TBL1X: variants seen among roughly 807,000 people sequenced by gnomAD.
TBL1X encodes F-box-like/WD repeat-containing protein TBL1X.
Under a neutral mutation model 50.7 loss-of-function variants are expected in TBL1X, and 10 were observed. The ratio of observed to expected loss-of-function variants is 0.20; its 90% CI spans 0.12 to 0.33. The LOEUF (loss-of-function observed/expected upper bound fraction) is 0.33. TBL1X is among the 10% of genes least tolerant of loss of function. The probability of loss-of-function intolerance (pLI) is 1.00; values close to 1 mark genes in which losing one functional copy is unlikely to be tolerated. For missense variants in TBL1X, 340 were observed against 504.4 expected (o/e 0.67, Z 3.12); for synonymous variants, 190 against 214.7 (o/e 0.88, Z 1.01).
At chrX:9,572,601 G>A (rs1260286867) in intron 2 of TBL1X, among the ~76,000 whole-genome samples, 1 of 112,767 alleles carries the variant, frequency 8.9e-6, no homozygotes, top group African/African-American at 3.2e-5. Context: ...GTTCTAGCAT[G>A]TTATCACAGT....
intron 1 of TBL1X, among the ~76,000 whole-genome samples, chrX:9,471,535 G>A (rs928729092): frequency 8.9e-6 from 1 of 112,151 alleles, no homozygotes; most frequent in Non-Finnish European, 1.9e-5. Flanking sequence ...TTTATGTCCG[G>A]TGCCTAGAGT....
chrX:9,587,929 G>A (rs1210193655), intron 2 of TBL1X, among the ~76,000 whole-genome samples: 4 of 109,633 alleles, frequency 3.6e-5, no homozygotes, highest in Admixed American at 9.8e-5. Context: ...TTCACTCTGC[G>A]TGTGTTCCTG....
intron 7 of TBL1X, among the ~76,000 whole-genome samples, chrX:9,690,805 T>C (rs2083091871): frequency 8.9e-6 from 1 of 111,760 alleles, no homozygotes; most frequent in Admixed American, 9.5e-5. Flanking sequence ...CATAGCTCAC[T>C]ACAGCCTCAA....
Position 9,568,787 on chromosome X carries a change from ATGTC to A in TBL1X, c.-131+66945_-131+66948del, listed in dbSNP as rs776283087. ...TCTATCTGTGCAGTGTGCTGTGTGT[ATGTC>A]TGTCTGGTGTGCTCTCTGTATGTTG... is the stretch of plus-strand genomic sequence containing the variant. On this transcript the variant is annotated intron_variant, in intron 2 of 17. Coordinates refer to ENST00000645353, the MANE Select transcript of TBL1X (RefSeq NM_005647.4). Among the ~76,000 whole-genome samples, 288 of 75,385 alleles carry A rather than the reference ATGTC, an allele frequency of 3.8e-3. 1 individual carries two copies. Among genetic ancestry groups the A allele is most frequent in the African/African-American group, 0.014 (274 of 18,925 alleles). 65.5% of individuals were successfully genotyped at this position (75,385 alleles called of 115,157 possible). A position where few individuals can be genotyped will look rare whatever the true frequency, so the allele number is the denominator to read the frequency against.
At chrX:9,703,742 C>G (rs917284459) in intron 12 of TBL1X, among the ~76,000 whole-genome samples, 1 of 112,129 alleles carries the variant, frequency 8.9e-6, no homozygotes, top group African/African-American at 3.2e-5. Context: ...GGCTCTCTCC[C>G]CCTTGTCTGG....
At chrX:9,470,672 T>C (rs1186922289) in intron 1 of TBL1X, among the ~76,000 whole-genome samples, 4 of 112,152 alleles carry the variant, frequency 3.6e-5, no homozygotes, top group African/African-American at 1.3e-4. Context: ...TTCATTGGTG[T>C]TTCCCAGGTT....
At chrX:9,554,455 C>G (rs1273181268) in intron 2 of TBL1X, among the ~76,000 whole-genome samples, 1 of 112,176 alleles carries the variant, frequency 8.9e-6, no homozygotes, top group Non-Finnish European at 1.9e-5. Context: ...TGACTTGATT[C>G]AATACAATTT....
chrX:9,617,119 A>G (rs1229097885), intron 2 of TBL1X, among the ~76,000 whole-genome samples: 1 of 111,808 alleles, frequency 8.9e-6, no homozygotes, highest in Non-Finnish European at 1.9e-5. Flanking sequence ...CGTGTTTTTA[A>G]TGTAACCCAT....
chrX:9,560,181 A>G (rs1306331721), intron 2 of TBL1X, among the ~76,000 whole-genome samples: 1 of 112,067 alleles, frequency 8.9e-6, no homozygotes, highest in Non-Finnish European at 1.9e-5. Flanking sequence ...GGCGATGTTT[A>G]TGTAGTGTTC....
chrX:9,655,817 C>T (rs1451009673), intron 5 of TBL1X, among the ~76,000 whole-genome samples: 1 of 112,053 alleles, frequency 8.9e-6, no homozygotes, highest in African/African-American at 3.2e-5. Flanking sequence ...ATTGGAGCCA[C>T]ACAGAATGGC....
chrX:9,480,757 A>ACCCCCCCC (rs60470790), intron 1 of TBL1X, among the ~76,000 whole-genome samples: 2 of 46,900 alleles, frequency 4.3e-5, no homozygotes. Context: ...AAATTAAGCC[A>ACCCCCCCC]CCCCCCCCCC....
chrX:9,528,564 C>G (rs1427202020), intron 2 of TBL1X, among the ~76,000 whole-genome samples: 1 of 109,885 alleles, frequency 9.1e-6, no homozygotes, highest in East Asian at 2.8e-4. Flanking sequence ...GCCTCTTTGC[C>G]TAGTTCCCAC....
chrX:9,480,757 A>ACCC (rs60470790), intron 1 of TBL1X, among the ~76,000 whole-genome samples: 68 of 46,899 alleles, frequency 1.4e-3, no homozygotes, highest in Non-Finnish European at 2.0e-3. Context: ...AAATTAAGCC[A>ACCC]CCCCCCCCCC....
chrX:9,575,246 C>A (rs2082405266), intron 2 of TBL1X, among the ~76,000 whole-genome samples: 1 of 110,942 alleles, frequency 9.0e-6, no homozygotes. Flanking sequence ...GGAAACCCGC[C>A]CCCATGACCC....
intron 12 of TBL1X, among the ~76,000 whole-genome samples, chrX:9,704,721 C>CAA (rs35199289): frequency 1.0e-5 from 1 of 96,320 alleles, no homozygotes. Flanking sequence ...CTCGTCTCTG[C>CAA]AAAAAAAAAA....
At chrX:9,555,970 T>C (rs1211866418) in intron 2 of TBL1X, among the ~76,000 whole-genome samples, 1 of 111,021 alleles carries the variant, frequency 9.0e-6, no homozygotes, top group Non-Finnish European at 1.9e-5. Flanking sequence ...GGAGGATCAC[T>C]TGATCCCAGG....
chrX:9,707,151 C>A lies in TBL1X; in HGVS notation c.1236+2037C>A, dbSNP rs186770840. On this transcript the variant is annotated intron_variant, in intron 13 of 17. Transcript: ENST00000645353. Reference sequence around the variant, plus strand: ...TTGTTAAAGCAGGAGAGGATGGTCACAGTCCCTGGAGATTTGCCATTGTGC... The same window carrying A: ...TTGTTAAAGCAGGAGAGGATGGTCAAAGTCCCTGGAGATTTGCCATTGTGC... Among the ~76,000 whole-genome samples, 248 of 111,294 alleles carry A rather than the reference C, an allele frequency of 2.2e-3. 2 individuals are homozygous for A. Among genetic ancestry groups the A allele is most frequent in the Middle Eastern group, 9.3e-3 (2 of 216 alleles).
chrX:9,705,261 T>TGG, intron 13 of TBL1X, 147 bp downstream of exon 13: 10 of 980,397 alleles, frequency 1.0e-5, no homozygotes, highest in Non-Finnish European at 1.4e-5. Context: ...GGTTACCCCA[T>TGG]GGTAACCATG....
Position 9,500,269 on chromosome X carries a change from CCT to C in TBL1X, c.-200-1510_-200-1509del, listed in dbSNP as rs779134529. On this transcript the variant is annotated intron_variant, in intron 1 of 17. Transcript: ENST00000645353. The stretch of plus-strand genomic sequence containing the variant: ...TACAGCCTGGACAGCAAAGGAAGAC[CCT>C]GTCTCAAAAAAAAAAAAAAAAAAAA... Among the ~76,000 whole-genome samples the C allele has an allele frequency of 3.7e-5, 3 of 80,352 alleles. No individual in the cohort carries two copies. In the South Asian group the frequency reaches 2.1e-3, roughly 56 times the overall value. 69.8% of individuals were successfully genotyped at this position (80,352 alleles called of 115,157 possible).
Sources: gnomAD v4.1 joint callset for allele counts (sites outside exome capture counted in the v4.1 genomes callset) on GRCh38, gnomAD v4.1.1 for gene constraint, MANE v1.5 for transcripts, NCBI Gene and HGNC (gene_info 2026-07-23, HGNC 2026-07-21) for gene names.